The following FRMPD4 variants were observed in gnomAD, a reference collection of about 807,000 sequenced individuals.
FRMPD4 encodes FERM and PDZ domain-containing protein 4.
In FRMPD4, 22 loss-of-function variants were observed where a neutral mutation model predicts 94.1. The observed-to-expected ratio is 0.23, with a 90% confidence interval of 0.17 to 0.33. The LOEUF (loss-of-function observed/expected upper bound fraction) is 0.33. Ranked by LOEUF, FRMPD4 falls within the 10% of genes least tolerant of loss-of-function variation. The pLI is 1.00. For synonymous variants in FRMPD4, 631 were observed against 548.6 expected, an observed-to-expected ratio of 1.15 and a Z score of -2.10; for missense variants, 1,111 against 1,339.9, an observed-to-expected ratio of 0.83 and a Z score of 2.67.
chrX:12,664,504 T>C (rs772651977), intron 4 of FRMPD4, among the ~76,000 whole-genome samples: 1 of 112,302 alleles, frequency 8.9e-6, no homozygotes, highest in South Asian at 3.7e-4. Context: ...ATGGATTACA[T>C]TTATTGATTT....
intron 3 of FRMPD4, among the ~76,000 whole-genome samples, chrX:12,116,158 C>T (rs1421015290): frequency 1.8e-5 from 2 of 111,911 alleles, no homozygotes; most frequent in Non-Finnish European, 3.8e-5. Context: ...GCTTCCCAGC[C>T]TGTTCCCATT....
At chrX:12,478,310 C>G (rs765017704) in intron 1 of FRMPD4, among the ~76,000 whole-genome samples, 1 of 111,650 alleles carries the variant, frequency 9.0e-6, no homozygotes, top group East Asian at 2.8e-4. Flanking sequence ...CGTGGTGGCT[C>G]ACTCCTGTAA....
At chrX:12,329,841 C>T (rs1601823603) in intron 1 of FRMPD4, among the ~76,000 whole-genome samples, 1 of 87,020 alleles carries the variant, frequency 1.1e-5, no homozygotes, top group African/African-American at 4.5e-5. Flanking sequence ...GGTGGGTTGC[C>T]AGGACAGTTT....
chrX:12,381,536 A>T (rs773883922), intron 1 of FRMPD4, among the ~76,000 whole-genome samples: 1 of 112,057 alleles, frequency 8.9e-6, no homozygotes. Context: ...AAGAAATTGT[A>T]TCCTAGTTAC....
At chrX:12,669,486 TAGCTTTCTG>T (rs1394319241) in intron 4 of FRMPD4, among the ~76,000 whole-genome samples, 1 of 89,382 alleles carries the variant, frequency 1.1e-5, no homozygotes, top group Non-Finnish European at 2.5e-5. Context: ...TTTAAGCAAC[TAGCTTTCTG>T]GGCTTTCTGG....
At chrX:12,625,855 T>G (rs1222161076) in intron 4 of FRMPD4, among the ~76,000 whole-genome samples, 2 of 111,887 alleles carry the variant, frequency 1.8e-5, no homozygotes, top group Non-Finnish European at 3.8e-5. Flanking sequence ...TTACCCTGAT[T>G]TGATCATTAC....
chrX:12,593,573 G>C (rs916059905), intron 2 of FRMPD4, among the ~76,000 whole-genome samples: 5 of 111,203 alleles, frequency 4.5e-5, no homozygotes, highest in African/African-American at 1.6e-4. Context: ...ATTGTTTATT[G>C]GATCTTCTGA....
Position 12,511,128 on chromosome X carries a change from C to T in FRMPD4, c.158+12332C>T, listed in dbSNP as rs141613221. On this transcript the variant is annotated intron_variant, in intron 2 of 16. Transcript: ENST00000675598. Reference sequence around the variant, plus strand: ...CCTAGAATCTATCGCGGAGCTAATCCGTGAAGATTTTTCCCTGCACAAAGT... The same window carrying T: ...CCTAGAATCTATCGCGGAGCTAATCTGTGAAGATTTTTCCCTGCACAAAGT... Among the ~76,000 whole-genome samples, 43 of 111,624 alleles carry T rather than the reference C, an allele frequency of 3.9e-4. 1 individual carries two copies. Among genetic ancestry groups the T allele is most frequent in the Admixed American group, 2.0e-3 (21 of 10,530 alleles).
chrX:11,897,979 A>T (rs948785663), intron 3 of FRMPD4, among the ~76,000 whole-genome samples: 2 of 111,850 alleles, frequency 1.8e-5, no homozygotes, highest in African/African-American at 6.5e-5. Context: ...TTTGCATCAA[A>T]TCCAGAAGGA....
At chrX:12,195,954 T>C (rs2056562718) in intron 1 of FRMPD4, among the ~76,000 whole-genome samples, 1 of 111,731 alleles carries the variant, frequency 9.0e-6, no homozygotes, top group African/African-American at 3.3e-5. Context: ...CCGATGAATG[T>C]TTATGGAATG....
At chrX:12,609,125 T>C (rs1443295288) in intron 2 of FRMPD4, among the ~76,000 whole-genome samples, 1 of 112,291 alleles carries the variant, frequency 8.9e-6, no homozygotes, top group Non-Finnish European at 1.9e-5. Context: ...AGAGAAAATA[T>C]ATTTATTAAT....
chrX:11,954,833 T>G (rs1372846195), intron 3 of FRMPD4, among the ~76,000 whole-genome samples: 1 of 110,373 alleles, frequency 9.1e-6, no homozygotes, highest in Non-Finnish European at 1.9e-5. Context: ...CCTGACCTTG[T>G]TGGTGTCCTT....
At chrX:12,201,566 C>G (rs2056631041) in intron 1 of FRMPD4, among the ~76,000 whole-genome samples, 1 of 111,901 alleles carries the variant, frequency 8.9e-6, no homozygotes, top group African/African-American at 3.2e-5. Context: ...AGTGCATTAG[C>G]ACGTCAGAGG....
At chrX:12,577,841 T>C (rs1380061604) in intron 2 of FRMPD4, among the ~76,000 whole-genome samples, 1 of 112,515 alleles carries the variant, frequency 8.9e-6, no homozygotes, top group African/African-American at 3.2e-5. Context: ...CATGCCTACC[T>C]ATTGGGGTAT....
At chrX:12,390,508 A>C (rs1457588742) in intron 1 of FRMPD4, among the ~76,000 whole-genome samples, 1 of 111,937 alleles carries the variant, frequency 8.9e-6, no homozygotes, top group Non-Finnish European at 1.9e-5. Context: ...GTGCAACAAA[A>C]CATTTTAACT....
intron 9 of FRMPD4, among the ~76,000 whole-genome samples, chrX:12,695,394 CT>C (rs35768384): frequency 0.14 from 14,691 of 108,592 alleles, 1,199 homozygotes; most frequent in African/African-American, 0.3. Context: ...CTTTGTAACT[CT>C]TTTTTTTTTA....
chrX:11,955,840 C>A (rs2054254496), intron 3 of FRMPD4, among the ~76,000 whole-genome samples: 1 of 111,278 alleles, frequency 9.0e-6, no homozygotes, highest in Non-Finnish European at 1.9e-5. Flanking sequence ...AAGTGGGTAT[C>A]ATTTCACTCC....
intron 1 of FRMPD4, among the ~76,000 whole-genome samples, chrX:12,424,368 A>G (rs1454216597): frequency 2.7e-5 from 3 of 112,896 alleles, no homozygotes; most frequent in Non-Finnish European, 5.6e-5. Flanking sequence ...TATTCCTTGA[A>G]TAGTAGGACT....
At chrX:12,585,526 A>C (rs183510586) in intron 2 of FRMPD4, among the ~76,000 whole-genome samples, 1 of 111,846 alleles carries the variant, frequency 8.9e-6, no homozygotes, top group Non-Finnish European at 1.9e-5. Flanking sequence ...ACCATAATCA[A>C]TTTTCAATTT....
Sources: allele counts gnomAD v4.1 joint callset (sites outside exome capture counted in the v4.1 genomes callset), GRCh38; gene constraint gnomAD v4.1.1; transcripts MANE v1.5; gene names NCBI Gene and HGNC (gene_info 2026-07-23, HGNC 2026-07-21).